The following CNTN1 variants were observed in gnomAD, a reference collection of about 807,000 sequenced individuals.
CNTN1 encodes contactin 1.
CNTN1 carries 38 observed loss-of-function variants against 126.4 expected under a neutral mutation model. That is an observed-to-expected ratio of 0.30 (90% CI 0.23 to 0.39). The LOEUF (loss-of-function observed/expected upper bound fraction) is 0.39. Among genes scored for constraint, CNTN1 ranks in the 10% least tolerant of loss-of-function variants. The pLI is 1.00. For missense variants in CNTN1, 1,009 were observed against 1,248.4 expected, an observed-to-expected ratio of 0.81 and a Z score of 2.89; for synonymous variants, 413 against 422.6, an observed-to-expected ratio of 0.98 and a Z score of 0.28.
chr12:40,954,264 A>G (rs1289150977), intron 14 of CNTN1, among the ~76,000 whole-genome samples: 4 of 152,082 alleles, frequency 2.6e-5, no homozygotes, highest in Admixed American at 6.6e-5. Context: ...ATTATTGAAT[A>G]TTTAGTATCA....
intron 1 of CNTN1, among the ~76,000 whole-genome samples, chr12:40,844,351 C>A (rs996755380): frequency 6.6e-6 from 1 of 151,992 alleles, no homozygotes; most frequent in African/African-American, 2.4e-5. Context: ...CAGGCATGAG[C>A]CACCACGCCT....
chr12:40,743,401 G>A (rs939317689), intron 1 of CNTN1, among the ~76,000 whole-genome samples: 9 of 152,042 alleles, frequency 5.9e-5, no homozygotes, highest in African/African-American at 2.2e-4. Context: ...GAGATTGTTG[G>A]AATAGTTAAG....
intron 23 of CNTN1, among the ~76,000 whole-genome samples, chr12:41,046,637 C>T (rs368591194): frequency 1.6e-4 from 25 of 151,980 alleles, no homozygotes; most frequent in Admixed American, 6.6e-4. Context: ...GACCACTAAA[C>T]GGGTCCATGA....
Position 41,056,916 on chromosome 12 carries a change from AT to A in CNTN1, c.2981-13042del, listed in dbSNP as rs372864396. ...TATATTTAGATATTTATAAATATTT[AT>A]AATATTTAGATATTTATAAATATTT... On this transcript the variant is annotated intron_variant, in intron 23 of 23. Transcript: ENST00000551295. 2.1e-3 allele frequency among the ~76,000 whole-genome samples: 69 copies of A among 32,286 alleles called. 3 individuals carry two copies. The highest frequency in any genetic ancestry group is 0.018 in the African/African-American group (65 of 3,536). 21.2% of individuals were successfully genotyped at this position (32,286 alleles called of 152,430 possible).
chr12:40,757,397 T>G (rs1356373340), intron 1 of CNTN1, among the ~76,000 whole-genome samples: 4 of 152,218 alleles, frequency 2.6e-5, no homozygotes, highest in Non-Finnish European at 5.9e-5. Flanking sequence ...GCTCAGAGCA[T>G]TCATTCTTAT....
At chr12:40,832,547 C>A (rs569007656) in intron 1 of CNTN1, among the ~76,000 whole-genome samples, 1 of 152,132 alleles carries the variant, frequency 6.6e-6, no homozygotes, top group Admixed American at 6.5e-5. Context: ...GCGTTAAGTA[C>A]ACTTCGTGAT....
intron 1 of CNTN1, among the ~76,000 whole-genome samples, chr12:40,881,011 T>C (rs1042243742): frequency 6.6e-6 from 1 of 151,992 alleles, no homozygotes; most frequent in Non-Finnish European, 1.5e-5. Flanking sequence ...TTACCCGTAG[T>C]AGACTACAAA....
chr12:40,911,628 G>A (rs4768324), intron 3 of CNTN1, among the ~76,000 whole-genome samples: 10,025 of 152,256 alleles, frequency 0.066, 545 homozygotes, highest in Admixed American at 0.16. Context: ...TGTAAGTCCA[G>A]TGGTCAACTC....
At chr12:40,701,886 T>C (rs984487235) in intron 1 of CNTN1, among the ~76,000 whole-genome samples, 2 of 152,134 alleles carry the variant, frequency 1.3e-5, no homozygotes, top group African/African-American at 4.8e-5. Context: ...TTTGGCCCAA[T>C]GAGCTATAAC....
At chr12:40,757,662 C>A (rs1056949636) in intron 1 of CNTN1, among the ~76,000 whole-genome samples, 5 of 152,106 alleles carry the variant, frequency 3.3e-5, no homozygotes, top group Non-Finnish European at 5.9e-5. Context: ...TAGATTTTCA[C>A]CACACAAGGA....
At chr12:40,873,906 T>C (rs754817945) in intron 1 of CNTN1, among the ~76,000 whole-genome samples, 44 of 152,166 alleles carry the variant, frequency 2.9e-4, no homozygotes, top group Non-Finnish European at 1.6e-4. Context: ...GGCCCTTTAG[T>C]ACATTACCTC....
intron 1 of CNTN1, among the ~76,000 whole-genome samples, chr12:40,794,852 A>G (rs1940352389): frequency 6.6e-6 from 1 of 152,094 alleles, no homozygotes; most frequent in African/African-American, 2.4e-5. Context: ...GAGTGGAATC[A>G]TGGAGGCCAT....
intron 19 of CNTN1, among the ~76,000 whole-genome samples, chr12:41,018,148 ATAAT>A (rs1166737243): frequency 6.6e-6 from 1 of 152,136 alleles, no homozygotes; most frequent in Non-Finnish European, 1.5e-5. Flanking sequence ...CACTGTGTAA[ATAAT>A]TAATGACTAG....
intron 7 of CNTN1, among the ~76,000 whole-genome samples, chr12:40,931,443 A>G (rs544869574): frequency 1.4e-4 from 21 of 151,962 alleles, no homozygotes; most frequent in African/African-American, 4.8e-4. Flanking sequence ...CACATTTTCA[A>G]CAGTATACCT....
chr12:40,727,643 C>G (rs1164401792), intron 1 of CNTN1, among the ~76,000 whole-genome samples: 1 of 151,972 alleles, frequency 6.6e-6, no homozygotes, highest in East Asian at 1.9e-4. Flanking sequence ...TCCATGTAGC[C>G]AAACAAAATC....
intron 1 of CNTN1, among the ~76,000 whole-genome samples, chr12:40,826,584 GATTATACTTCA>G (rs1352500387): frequency 6.6e-6 from 1 of 152,134 alleles, no homozygotes; most frequent in Non-Finnish European, 1.5e-5. Context: ...GCTCAGCAGG[GATTATACTTCA>G]CATGCACTTC....
chr12:40,869,559 C>G (rs559516200), intron 1 of CNTN1, among the ~76,000 whole-genome samples: 2 of 152,072 alleles, frequency 1.3e-5, no homozygotes, highest in Non-Finnish European at 2.9e-5. Context: ...TGTGAGCCAC[C>G]GTGTCCAGTC....
At chr12:40,695,576 A>G (rs1412127739) in intron 1 of CNTN1, among the ~76,000 whole-genome samples, 1 of 152,274 alleles carries the variant, frequency 6.6e-6, no homozygotes, top group South Asian at 2.1e-4. Flanking sequence ...TAAATTGGCC[A>G]TGGTCTCTAT....
chr12:40,872,428 T>C lies in CNTN1; in HGVS notation c.-76-35929T>C, dbSNP rs75826064. Among the ~76,000 whole-genome samples, 796 of 152,210 alleles carry C rather than the reference T, an allele frequency of 5.2e-3. 6 individuals are homozygous for C. The highest frequency in any genetic ancestry group is 0.018 in the African/African-American group (757 of 41,506). On this transcript the variant is annotated intron_variant, in intron 1 of 23. Transcript: ENST00000551295. ...CACAATATAAATGAAATGCTCTGCT[T>C]ACCCTGCCTTGAGTATTTCTAACTA... is the stretch of plus-strand genomic sequence containing the variant.
Sources: gnomAD v4.1 joint callset for allele counts (sites outside exome capture counted in the v4.1 genomes callset) on GRCh38, gnomAD v4.1.1 for gene constraint, MANE v1.5 for transcripts, NCBI Gene and HGNC (gene_info 2026-07-23, HGNC 2026-07-21) for gene names.